EEA1: variants seen among roughly 807,000 people sequenced by gnomAD.
The protein encoded by EEA1 is early endosome antigen 1, 162kD.
In EEA1, 111 loss-of-function variants were observed where a neutral mutation model predicts 209.2. The observed-to-expected ratio is 0.53, with a 90% CI of 0.45 to 0.62. The LOEUF is 0.62. EEA1 is among the 20% of genes least tolerant of loss of function. EEA1 has a pLI of 0.00. For synonymous variants in EEA1, 536 were observed against 540.6 expected (o/e 0.99, Z 0.12); for missense variants, 1,343 against 1,530.8 (o/e 0.88, Z 2.05).
At chr12:92,865,028 A>G in intron 2 of EEA1, 41 bp from the exon 3 acceptor site, 1 of 1,468,464 alleles carries the variant, frequency 6.8e-7, no homozygotes, top group South Asian at 1.3e-5. Context: ...ATAGTATTTA[A>G]TATTGTGAAA....
At chr12:92,820,977 C>T (rs1014441450) in intron 13 of EEA1, 3 of 152,056 alleles carry the variant, frequency 2.0e-5, no homozygotes, top group Non-Finnish European at 4.4e-5. Context: ...GTGAAAGCTT[C>T]GTGCTGCTCT....
chr12:92,777,786 A>G (rs1873722367), intron 26 of EEA1, 123 bp from the exon 27 acceptor site: 5 of 1,269,218 alleles, frequency 3.9e-6, no homozygotes, highest in Admixed American at 2.7e-5. Context: ...TGACTATCTG[A>G]TTGTTTTACA....
intron 15 of EEA1, among the ~76,000 whole-genome samples, chr12:92,815,175 T>C (rs539255840): frequency 1.3e-3 from 204 of 152,182 alleles, no homozygotes; most frequent in Middle Eastern, 3.4e-3. Context: ...AAAGAAGAAG[T>C]TACTGTCAAG....
intron 3 of EEA1, among the ~76,000 whole-genome samples, chr12:92,862,581 A>G (rs1210480935): frequency 6.6e-6 from 1 of 152,010 alleles, no homozygotes; most frequent in Non-Finnish European, 1.5e-5. Flanking sequence ...GCAAGATCCT[A>G]TCTCTAAAAA....
intron 1 of EEA1, among the ~76,000 whole-genome samples, chr12:92,920,897 T>G (rs1261254798): frequency 4.0e-5 from 6 of 150,284 alleles, no homozygotes; most frequent in Admixed American, 3.3e-4. Flanking sequence ...CAACCAAATT[T>G]ACAAGAAAAA....
At chr12:92,882,011 T>A (rs1394241116) in intron 2 of EEA1, among the ~76,000 whole-genome samples, 1 of 152,170 alleles carries the variant, frequency 6.6e-6, no homozygotes, top group Admixed American at 6.5e-5. Context: ...AAGACCTTTA[T>A]GACCTTCCAC....
intron 1 of EEA1, among the ~76,000 whole-genome samples, chr12:92,910,202 T>G (rs1195662621): frequency 1.3e-5 from 2 of 150,948 alleles, no homozygotes; most frequent in Non-Finnish European, 2.9e-5. Flanking sequence ...TCAGGCGCGG[T>G]GGCTCACACC....
At chr12:92,879,649 T>C (rs2136741027) in intron 2 of EEA1, among the ~76,000 whole-genome samples, 1 of 152,258 alleles carries the variant, frequency 6.6e-6, no homozygotes, top group East Asian at 1.9e-4. Context: ...GCTACCATCA[T>C]TCTCAGTGGT....
At chr12:92,850,100 A>G (rs1877548097) in intron 9 of EEA1, among the ~76,000 whole-genome samples, 1 of 152,248 alleles carries the variant, frequency 6.6e-6, no homozygotes, top group South Asian at 2.1e-4. Context: ...GAAAATGTTT[A>G]TCTTGGAAGA....
chr12:92,779,414 T>C (rs918031908), intron 24 of EEA1, 114 bp from the exon 25 acceptor site: 46 of 950,290 alleles, frequency 4.8e-5, no homozygotes, highest in African/African-American at 2.3e-4. Flanking sequence ...TACCCACTTA[T>C]GAAATTCTTA....
At chr12:92,793,124 C>T (rs1371501524) in intron 21 of EEA1, among the ~76,000 whole-genome samples, 7 of 152,088 alleles carry the variant, frequency 4.6e-5, no homozygotes, top group Non-Finnish European at 8.8e-5. Context: ...ATTGAGGGAA[C>T]GTATCTCAAA....
chr12:92,881,974 A>C (rs1264389952), intron 2 of EEA1, among the ~76,000 whole-genome samples: 3 of 151,976 alleles, frequency 2.0e-5, no homozygotes, highest in Non-Finnish European at 4.4e-5. Flanking sequence ...CCTCCTCCTC[A>C]TCCTACTCAA....
chr12:92,898,714 T>C (rs1231616535), intron 1 of EEA1, among the ~76,000 whole-genome samples: 1 of 148,824 alleles, frequency 6.7e-6, no homozygotes, highest in East Asian at 1.9e-4. Context: ...GTCTTCTTTT[T>C]TTTTTCCTTT....
At chr12:92,857,834 T>C (rs1396796741) in intron 3 of EEA1, among the ~76,000 whole-genome samples, 2 of 152,226 alleles carry the variant, frequency 1.3e-5, no homozygotes, top group South Asian at 4.1e-4. Flanking sequence ...CTCATTAACA[T>C]GGACTACAAA....
chr12:92,794,551 T>C (rs1468923101), intron 21 of EEA1, among the ~76,000 whole-genome samples: 1 of 151,888 alleles, frequency 6.6e-6, no homozygotes, highest in Non-Finnish European at 1.5e-5. Flanking sequence ...CTATGCAGCC[T>C]TAAAAAAGGA....
chr12:92,801,576 T>C (rs1282536468), intron 20 of EEA1, 24 bp downstream of exon 20: 5 of 1,490,012 alleles, frequency 3.4e-6, no homozygotes, highest in African/African-American at 1.4e-5. Flanking sequence ...TTACAGATTT[T>C]ATGTTACAAA....
chr12:92,925,927 A>C (rs982851687), intron 1 of EEA1, among the ~76,000 whole-genome samples: 2 of 152,340 alleles, frequency 1.3e-5, no homozygotes, highest in Admixed American at 6.5e-5. Context: ...GAAACTATTC[A>C]GAAGAAAATA....
chr12:92,834,965 C>T (rs961781077), intron 10 of EEA1, among the ~76,000 whole-genome samples: 12 of 151,828 alleles, frequency 7.9e-5, no homozygotes, highest in East Asian at 5.8e-4. Context: ...CTCCAAGCTC[C>T]GCCTCTCGGG....
chr12:92,810,226 A>G (rs1875423155), intron 17 of EEA1, among the ~76,000 whole-genome samples: 1 of 152,174 alleles, frequency 6.6e-6, no homozygotes, highest in Non-Finnish European at 1.5e-5. Context: ...TAAATAAAAG[A>G]TATTTGATGT....
Sources: allele counts gnomAD v4.1 joint callset (sites outside exome capture counted in the v4.1 genomes callset), GRCh38; gene constraint gnomAD v4.1.1; transcripts MANE v1.5; gene names NCBI Gene and HGNC (gene_info 2026-07-23, HGNC 2026-07-21).